The following FBXO15 variants were observed in gnomAD, a reference collection of about 807,000 sequenced individuals.
FBXO15 encodes F-box protein 15.
FBXO15 carries 30 observed loss-of-function variants against 49.5 expected under a neutral mutation model. The observed-to-expected ratio is 0.61, with a 90% CI of 0.45 to 0.82. FBXO15 has a LOEUF of 0.82. Among genes scored for constraint, FBXO15 ranks in the 40% least tolerant of loss-of-function variants. FBXO15 has a pLI of 0.00. For missense variants in FBXO15, 591 were observed against 631.5 expected (o/e 0.94, Z 0.69); for synonymous variants, 250 against 232.7 (o/e 1.07, Z -0.68).
chr18:74,087,308 G>C (rs186202123), intron 8 of FBXO15, among the ~76,000 whole-genome samples: 14 of 152,172 alleles, frequency 9.2e-5, no homozygotes, highest in Admixed American at 7.9e-4. Flanking sequence ...CATGTTGCAG[G>C]GGTTTGTAGA....
intron 8 of FBXO15, among the ~76,000 whole-genome samples, chr18:74,084,495 T>C (rs1223893456): frequency 1.3e-5 from 2 of 152,200 alleles, no homozygotes; most frequent in Middle Eastern, 3.2e-3. Flanking sequence ...CTGCTGATAG[T>C]TTCACAAGAG....
chr18:74,075,376 C>T lies in FBXO15; in HGVS notation c.1264-1646G>A, dbSNP rs574903016. On this transcript the variant is annotated intron_variant, in intron 9 of 9. Coordinates refer to ENST00000419743, the MANE Select transcript of FBXO15 (RefSeq NM_001142958.2). The surrounding 1 kb of genome is among the most constrained non-coding windows in gnomAD (Gnocchi z 4.1). ...GTGGCCCAGTAACCTCCTGCTGCAG[C>T]GTAGCCCATCTTGCAAAGGCATGAT... is the stretch of plus-strand genomic sequence containing the variant. Among the ~76,000 whole-genome samples the T allele has an allele frequency of 3.3e-5, 5 of 152,330 alleles. No individual in the cohort carries two copies. In the East Asian group the frequency reaches 5.8e-4, roughly 18 times the overall value.
intron 9 of FBXO15, among the ~76,000 whole-genome samples, chr18:74,078,852 C>T (rs746786053): frequency 1.2e-4 from 19 of 152,176 alleles, no homozygotes; most frequent in African/African-American, 3.1e-4. Context: ...GTGCAGCACT[C>T]GCACGTGTGG....
At chr18:74,133,249 G>A (rs1978507883) in intron 3 of FBXO15, among the ~76,000 whole-genome samples, 1 of 152,156 alleles carries the variant, frequency 6.6e-6, no homozygotes. Context: ...AATTTCATCA[G>A]TAGCTCATAT....
chr18:74,124,491 AGTAGCC>A lies in FBXO15; in HGVS notation c.987_992del (p.Ala330_Thr331del). On this transcript the variant is annotated inframe_deletion, in exon 7 of 10. Transcript: ENST00000419743. ...CACACCCACATATAAATACATACAT[AGTAGCC>A]GAGCCTAATGTGCTCCTCTCCACAA... The A allele has an allele frequency of 6.2e-7, 1 of 1,613,670 alleles. No individual in the cohort carries two copies. The highest frequency in any genetic ancestry group is 8.5e-7 in the Non-Finnish European group (1 of 1,179,670).
At chr18:74,082,393 A>G (rs1912541666) in intron 8 of FBXO15, among the ~76,000 whole-genome samples, 1 of 152,248 alleles carries the variant, frequency 6.6e-6, no homozygotes, top group South Asian at 2.1e-4. Context: ...ACAGTGTTGG[A>G]AACCGATATC....
intron 1 of FBXO15, among the ~76,000 whole-genome samples, chr18:74,146,703 G>C (rs1184911002): frequency 2.0e-5 from 3 of 152,162 alleles, no homozygotes; most frequent in Non-Finnish European, 4.4e-5. Context: ...AAGCAACAGG[G>C]CTGGGCTTCT....
chr18:74,145,581 TA>T (rs1979351429), intron 1 of FBXO15, among the ~76,000 whole-genome samples: 1 of 136,294 alleles, frequency 7.3e-6, no homozygotes, highest in Non-Finnish European at 1.6e-5. Context: ...ATCCATAAAA[TA>T]AACCAACTGC....
At chr18:74,088,951 T>C (rs1381666252) in intron 8 of FBXO15, among the ~76,000 whole-genome samples, 2 of 152,214 alleles carry the variant, frequency 1.3e-5, no homozygotes, top group Non-Finnish European at 2.9e-5. Flanking sequence ...GTCAGCTGTA[T>C]TCCTATTTGT....
chr18:74,124,067 T>C (rs2145190427), intron 7 of FBXO15, among the ~76,000 whole-genome samples: 1 of 151,782 alleles, frequency 6.6e-6, no homozygotes, highest in East Asian at 1.9e-4. Context: ...GGGAAGCCTG[T>C]GCGCCACCTA....
chr18:74,121,408 A>C (rs978485897), intron 8 of FBXO15, among the ~76,000 whole-genome samples: 2 of 146,344 alleles, frequency 1.4e-5, no homozygotes, highest in Non-Finnish European at 2.9e-5. Flanking sequence ...GAAATGTGCA[A>C]AACTAGCATG....
At chr18:74,103,354 G>A (rs2145149580) in intron 8 of FBXO15, among the ~76,000 whole-genome samples, 2 of 151,400 alleles carry the variant, frequency 1.3e-5, no homozygotes, top group Non-Finnish European at 2.9e-5. Context: ...GAAAAGGAAT[G>A]AAGACTGCCT....
chr18:74,129,693 T>C (rs980708818), intron 4 of FBXO15, 79 bp from the exon 5 acceptor site: 2 of 1,161,094 alleles, frequency 1.7e-6, no homozygotes, highest in African/African-American at 3.1e-5. Context: ...ATGTATCTTC[T>C]CTAAAGCATC....
At chr18:74,086,636 T>C (rs1263037415) in intron 8 of FBXO15, among the ~76,000 whole-genome samples, 1 of 152,198 alleles carries the variant, frequency 6.6e-6, no homozygotes, top group African/African-American at 2.4e-5. Flanking sequence ...GGTCTCGATC[T>C]CCTGACCTCA....
intron 3 of FBXO15, chr18:74,130,865 A>T (rs1978352449): frequency 4.0e-6 from 2 of 500,680 alleles, no homozygotes; most frequent in African/African-American, 1.9e-5. Context: ...AACACATTTT[A>T]AAAAAAGGAA....
intron 8 of FBXO15, among the ~76,000 whole-genome samples, chr18:74,086,427 G>A (rs1032580691): frequency 1.2e-4 from 18 of 152,058 alleles, no homozygotes; most frequent in African/African-American, 3.1e-4. Context: ...ACTGAATAGC[G>A]TTTTGTTTTG....
chr18:74,132,942 G>GAGCC (rs1398308838), intron 3 of FBXO15, among the ~76,000 whole-genome samples: 1 of 152,204 alleles, frequency 6.6e-6, no homozygotes, highest in African/African-American at 2.4e-5. Context: ...GGGCACTGGG[G>GAGCC]AGCCCCCTGC....
chr18:74,115,100 C>A (rs1382142327), intron 8 of FBXO15, among the ~76,000 whole-genome samples: 2 of 152,140 alleles, frequency 1.3e-5, no homozygotes, highest in Non-Finnish European at 1.5e-5. Context: ...ATCCTCAGAT[C>A]TGAAAGGACA....
chr18:74,089,552 G>A (rs1351622252), intron 8 of FBXO15, among the ~76,000 whole-genome samples: 2 of 152,112 alleles, frequency 1.3e-5, no homozygotes, highest in Non-Finnish European at 2.9e-5. Flanking sequence ...TATAATATTG[G>A]TTTTGAAATA....
Sources: gnomAD v4.1 joint callset for allele counts (sites outside exome capture counted in the v4.1 genomes callset) on GRCh38, gnomAD v4.1.1 for gene constraint, Gnocchi (gnomAD v3.1) non-coding constraint, MANE v1.5 for transcripts, NCBI Gene and HGNC (gene_info 2026-07-23, HGNC 2026-07-21) for gene names.